ESR1: variants seen among roughly 807,000 people sequenced by gnomAD.
ESR1 encodes estrogen receptor.
ESR1 carries 12 observed loss-of-function variants against 52.7 expected under a neutral mutation model. The observed-to-expected ratio is 0.23, with a 90% confidence interval of 0.15 to 0.37. ESR1 has a LOEUF of 0.37. Among genes scored for constraint, ESR1 ranks in the 10% least tolerant of loss-of-function variants. The pLI is 1.00. For missense variants in ESR1, 584 were observed against 779.7 expected (o/e 0.75, Z 2.99); for synonymous variants, 305 against 316.8 (o/e 0.96, Z 0.39).
intron 1 of ESR1, among the ~76,000 whole-genome samples, chr6:151,671,227 A>AC (rs1307562945): frequency 3.3e-5 from 5 of 152,126 alleles, no homozygotes; most frequent in African/African-American, 1.2e-4. Flanking sequence ...GTTTCTCTGC[A>AC]CCCCCATGTT....
chr6:151,857,794 G>T (rs1196126858), intron 2 of ESR1, among the ~76,000 whole-genome samples: 1 of 152,152 alleles, frequency 6.6e-6, no homozygotes, highest in Non-Finnish European at 1.5e-5. Context: ...CTCCCAAAGT[G>T]CTGGGATTAC....
chr6:152,037,235 G>T (rs1352741119), intron 5 of ESR1, among the ~76,000 whole-genome samples: 1 of 151,890 alleles, frequency 6.6e-6, no homozygotes, highest in African/African-American at 2.4e-5. Flanking sequence ...GGAGAGAGGG[G>T]GAGAGAGTGA....
chr6:151,858,247 G>T (rs1788235050), intron 2 of ESR1, among the ~76,000 whole-genome samples: 1 of 152,322 alleles, frequency 6.6e-6, no homozygotes, highest in East Asian at 1.9e-4. Context: ...AATCATAGCA[G>T]AGGAAAGCCT....
At chr6:152,092,462 A>G (rs1356182156) in intron 6 of ESR1, among the ~76,000 whole-genome samples, 2 of 152,182 alleles carry the variant, frequency 1.3e-5, no homozygotes, top group Non-Finnish European at 2.9e-5. Context: ...CCCGACCTAC[A>G]AACTGCTACG....
At chr6:151,677,063 C>A (rs1441027083) in intron 1 of ESR1, among the ~76,000 whole-genome samples, 1 of 152,194 alleles carries the variant, frequency 6.6e-6, no homozygotes, top group African/African-American at 2.4e-5. Flanking sequence ...GTCATCCAGG[C>A]TGATCTCAAA....
At chr6:152,120,022 C>T (rs963764597) in intron 6 of ESR1, among the ~76,000 whole-genome samples, 4 of 152,236 alleles carry the variant, frequency 2.6e-5, no homozygotes, top group Non-Finnish European at 5.9e-5. Context: ...GAGAAAGGCA[C>T]AGATGGAATG....
rs577680888 is a variant in ESR1, at chr6:152,069,704, G to A, written c.1369+8580G>A. ...CCTCACATGGGCAGTTCACAGTAGG[G>A]TTCACAGCCCTATGAGGTTCTAATG... On this transcript the variant is annotated intron_variant, in intron 6 of 7. Coordinates refer to ENST00000206249, the MANE Select transcript of ESR1 (RefSeq NM_000125.4). Among the ~76,000 whole-genome samples, 9 of 136,546 alleles carry A rather than the reference G, an allele frequency of 6.6e-5. 2 individuals are homozygous for A. Among genetic ancestry groups the A allele is most frequent in the African/African-American group, 1.3e-4 (4 of 30,448 alleles). The allele number at this position is 136,546 out of a possible 152,430, so 89.6% of individuals were successfully genotyped here.
At position 151,808,210 on chromosome 6, in the gene ESR1, C is replaced by G. The variant is rs1362946000; in HGVS notation, c.298C>G (p.Leu100Val). 6.4e-7 allele frequency: 1 copy of G among 1,572,998 alleles called. No individual in the cohort carries two copies. Among genetic ancestry groups the G allele is most frequent in the African/African-American group, 1.3e-5 (1 of 74,164 alleles). ...GSNGLGGFPP[L>V]NSVSPSPLML... ...CAACGGCCTGGGGGGTTTCCCCCCA[C>G]TCAACAGCGTGTCTCCGAGCCCGCT... The change falls in exon 1 of 8, where the codon CTC becomes GTC. Residue 100 changes from leucine to valine, a missense_variant. By Grantham distance (32) the Leu-to-Val change is conservative. Around this residue, in one of 6 missense-constraint regions of ESR1, gnomAD observed 251 missense variants for 246.1 expected, o/e 1.02. Transcript: ENST00000206249.
rs139977010 is a variant in ESR1, at chr6:151,696,620, G to A, written c.-201-5255G>A. Among the ~76,000 whole-genome samples the A allele has an allele frequency of 2.0e-5, 3 of 152,270 alleles. No individual in the cohort carries two copies. The East Asian group carries it at 5.8e-4, about 29-fold the overall frequency. ...GGTGTTTGGCACATAATTGTAGAGT[G>A]AGATTGAGCCTGGCATGTTCCTTGA... On this transcript the variant is annotated intron_variant, in intron 1 of 2. Coordinates refer to the ESR1 transcript ENST00000404742.
In ESR1 at chr6:151,944,135, A is replaced by G. The variant is rs34675537; in HGVS notation, c.761-38A>G. The stretch of plus-strand genomic sequence containing the variant: ...TTTTGTATAAAAGTTTACACGGGAA[A>G]AAAATAAACTAATTTTTTTTTCCAC... On this transcript the variant is annotated intron_variant, in intron 3 of 7. Transcript: ENST00000206249. The G allele has an allele frequency of 8.1e-5, 127 of 1,564,932 alleles. 1 individual carries two copies. In the African/African-American group the frequency reaches 1.5e-3, roughly 18 times the overall value.
intron 4 of ESR1, among the ~76,000 whole-genome samples, chr6:151,969,702 C>T (rs1438427284): frequency 1.3e-5 from 2 of 152,198 alleles, no homozygotes; most frequent in Non-Finnish European, 2.9e-5. Flanking sequence ...GCAGTGCGGG[C>T]AGCTTCGGCT....
rs2046896467 is a variant in ESR1 at position 152,053,924 on chromosome 6, C to A, written c.1236-7067C>A. Among the ~76,000 whole-genome samples, 1 of 152,042 alleles carries A rather than the reference C, an allele frequency of 6.6e-6. No homozygotes were observed. The highest frequency in any genetic ancestry group is 1.5e-5 in the Non-Finnish European group (1 of 68,016). On this transcript the variant is annotated intron_variant, in intron 5 of 7. Transcript: ENST00000206249. This position sits in a 1 kb window ranked among gnomAD's most constrained non-coding sequence, Gnocchi z 4.1. ...AAATATATGTATAGGAATAATTGCA[C>A]ATTGTTTGTTGTAGCTGAAAATTAC...
At chr6:151,842,542 G>C (rs2128233811) in intron 1 of ESR1, 55 bp from the exon 2 acceptor site, 1 of 1,443,302 alleles carries the variant, frequency 6.9e-7, no homozygotes, top group Non-Finnish European at 9.6e-7. Flanking sequence ...ATCTCCCAGA[G>C]AGTGCATGTT....
In ESR1 at chr6:152,061,039, G is replaced by C. The variant is rs1481040406; in HGVS notation, c.1284G>C (p.Leu428=). 1 of 1,613,080 alleles carries C rather than the reference G, an allele frequency of 6.2e-7. No homozygotes were observed. Among genetic ancestry groups the C allele is most frequent in the Non-Finnish European group, 8.5e-7 (1 of 1,179,322 alleles). The change falls in exon 6 of 8, where the codon CTG becomes CTC. Residue 428 remains leucine (L), a synonymous_variant. Coordinates refer to ENST00000206249, the MANE Select transcript of ESR1 (RefSeq NM_000125.4). The surrounding 1 kb of genome is among the most constrained non-coding windows in gnomAD (Gnocchi z 4.3). ...VEGMVEIFDM[L]LATSSRFRMM... is the part of the protein sequence containing the mutation. The stretch of plus-strand genomic sequence containing the variant: ...GCATGGTGGAGATCTTCGACATGCT[G>C]CTGGCTACATCATCTCGGTTCCGCA...
chr6:151,803,518 G>A (rs1340923341), upstream of ESR1, among the ~76,000 whole-genome samples: 1 of 152,150 alleles, frequency 6.6e-6, no homozygotes, highest in Non-Finnish European at 1.5e-5. Flanking sequence ...GGGCAGAGAG[G>A]AAGCCCTGAA....
chr6:152,051,710 C>T (rs1209341607), intron 5 of ESR1, among the ~76,000 whole-genome samples: 3 of 152,204 alleles, frequency 2.0e-5, no homozygotes, highest in Non-Finnish European at 2.9e-5. Flanking sequence ...GTGGATGTCC[C>T]TCACCATTTC....
chr6:151,815,827 C>G (rs1037067208), intron 1 of ESR1, among the ~76,000 whole-genome samples: 5 of 152,326 alleles, frequency 3.3e-5, no homozygotes, highest in African/African-American at 1.2e-4. Flanking sequence ...GAGCAAGGCT[C>G]ACTTCTCCTT....
intron 2 of ESR1, among the ~76,000 whole-genome samples, chr6:151,711,833 C>T (rs773898176): frequency 2.6e-5 from 4 of 152,180 alleles, no homozygotes; most frequent in Non-Finnish European, 5.9e-5. Flanking sequence ...TTTTGCTATG[C>T]AGAAGCTGTT....
At chr6:151,884,935 A>G (rs1319159568) in intron 3 of ESR1, among the ~76,000 whole-genome samples, 1 of 152,126 alleles carries the variant, frequency 6.6e-6, no homozygotes, top group Non-Finnish European at 1.5e-5. Flanking sequence ...TTTAATGGCA[A>G]ACAGCTCTTC....
Sources: allele counts gnomAD v4.1 joint callset (sites outside exome capture counted in the v4.1 genomes callset), GRCh38; gene constraint gnomAD v4.1.1; regional missense constraint gnomAD v4.1.1; non-coding constraint Gnocchi (gnomAD v3.1); transcripts MANE v1.5; gene names NCBI Gene and HGNC (gene_info 2026-07-23, HGNC 2026-07-21).